IFT80: variants seen among roughly 807,000 people sequenced by gnomAD.
IFT80 encodes intraflagellar transport protein 80 homolog.
IFT80 carries 79 observed loss-of-function variants against 107.9 expected under a neutral mutation model. The observed-to-expected ratio is 0.73, with a 90% CI of 0.61 to 0.88. IFT80 has a LOEUF of 0.88. Ranked by LOEUF, IFT80 falls within the 40% of genes least tolerant of loss-of-function variation. The pLI, the probability that IFT80 is intolerant of heterozygous loss-of-function variation, is 0.00. For synonymous variants in IFT80, 299 were observed against 300.9 expected (o/e 0.99, Z 0.07); for missense variants, 797 against 914.2 (o/e 0.87, Z 1.65).
intron 8 of IFT80, among the ~76,000 whole-genome samples, chr3:160,349,475 C>T (rs372083021): frequency 2.0e-5 from 3 of 151,654 alleles, no homozygotes; most frequent in South Asian, 4.2e-4. Context: ...AGGAACACTG[C>T]ACCTCAACTA....
At chr3:160,387,800 G>A (rs975346069) in intron 1 of IFT80, among the ~76,000 whole-genome samples, 1 of 152,162 alleles carries the variant, frequency 6.6e-6, no homozygotes, top group South Asian at 2.1e-4. Flanking sequence ...TCAAAGCCAT[G>A]GAATAAGATG....
intron 8 of IFT80, among the ~76,000 whole-genome samples, chr3:160,354,019 T>C (rs1195741134): frequency 6.6e-6 from 1 of 152,188 alleles, no homozygotes; most frequent in Non-Finnish European, 1.5e-5. Flanking sequence ...TTGTTGAGTA[T>C]CTACTGTGTT....
At chr3:160,392,894 AC>A (rs113134209) in intron 1 of IFT80, among the ~76,000 whole-genome samples, 1 of 152,052 alleles carries the variant, frequency 6.6e-6, no homozygotes, top group Non-Finnish European at 1.5e-5. Context: ...ACATAGTGAG[AC>A]CCCCTTCTTT....
intron 8 of IFT80, among the ~76,000 whole-genome samples, chr3:160,348,914 CTAGGAA>C (rs1426710708): frequency 6.6e-6 from 1 of 151,926 alleles, no homozygotes; most frequent in African/African-American, 2.4e-5. Flanking sequence ...TTGCCAGGGA[CTAGGAA>C]TAGAGTAGGG....
At chr3:160,355,618 C>T (rs1400404774) in intron 8 of IFT80, among the ~76,000 whole-genome samples, 1 of 150,974 alleles carries the variant, frequency 6.6e-6, no homozygotes, top group Admixed American at 6.6e-5. Context: ...AATATGCAAT[C>T]GAGATTTCGT....
intron 8 of IFT80, among the ~76,000 whole-genome samples, chr3:160,340,700 A>T (rs1027054324): frequency 6.6e-6 from 1 of 152,142 alleles, no homozygotes; most frequent in Admixed American, 6.5e-5. Flanking sequence ...ACTAACCCCC[A>T]GCTAGGAAAA....
chr3:160,260,683 T>C (rs1712754974), intron 19 of IFT80, among the ~76,000 whole-genome samples: 1 of 152,208 alleles, frequency 6.6e-6, no homozygotes, highest in African/African-American at 2.4e-5. Flanking sequence ...TAGATAAGAA[T>C]GTTCTCTGAT....
intron 8 of IFT80, among the ~76,000 whole-genome samples, chr3:160,337,743 T>A (rs781501408): frequency 9.9e-5 from 15 of 152,212 alleles, no homozygotes; most frequent in Admixed American, 3.3e-4. Context: ...AGTCTGATGA[T>A]GTTCTGATTT....
At chr3:160,317,407 T>A (rs950346175) in intron 9 of IFT80, among the ~76,000 whole-genome samples, 1 of 152,154 alleles carries the variant, frequency 6.6e-6, no homozygotes, top group Admixed American at 6.6e-5. Context: ...GTTCATCTTA[T>A]TTCACATAAA....
intron 8 of IFT80, among the ~76,000 whole-genome samples, chr3:160,340,151 ATATTT>A (rs1232764809): frequency 6.6e-6 from 1 of 152,204 alleles, no homozygotes; most frequent in Admixed American, 6.5e-5. Context: ...TGATACTATT[ATATTT>A]TAAGAAATAA....
At chr3:160,359,677 A>C (rs1721355294) in intron 6 of IFT80, among the ~76,000 whole-genome samples, 2 of 152,184 alleles carry the variant, frequency 1.3e-5, no homozygotes, top group African/African-American at 4.8e-5. Flanking sequence ...AATATTTGCT[A>C]TTCTGCAGCC....
At chr3:160,295,142 A>C (rs1715873311) in intron 12 of IFT80, among the ~76,000 whole-genome samples, 1 of 152,230 alleles carries the variant, frequency 6.6e-6, no homozygotes, top group African/African-American at 2.4e-5. Context: ...TTAATCATCA[A>C]GGAAATGCAA....
At chr3:160,266,070 T>G (rs1713294188) in intron 19 of IFT80, among the ~76,000 whole-genome samples, 1 of 152,108 alleles carries the variant, frequency 6.6e-6, no homozygotes, top group South Asian at 2.1e-4. Flanking sequence ...TTTATGATTT[T>G]TAGTTAACTC....
intron 8 of IFT80, among the ~76,000 whole-genome samples, chr3:160,322,279 T>C (rs983951554): frequency 6.1e-5 from 9 of 146,958 alleles, no homozygotes; most frequent in East Asian, 2.1e-4. Context: ...AGTGAGAACA[T>C]GTGGTGTTTG....
Position 160,336,780 on chromosome 3 carries a change from C to T in IFT80, c.778-16841G>A, listed in dbSNP as rs569570501. On this transcript the variant is annotated intron_variant, in intron 8 of 19. Transcript: ENST00000326448. ...ACAGTCTTATTGTAGATGGTCTGTT[C>T]TATTTGCTCTCTCTCTTTTTCTGGG... 1.2e-4 allele frequency among the ~76,000 whole-genome samples: 18 copies of T among 152,126 alleles called. No individual in the cohort carries two copies. The South Asian group carries it at 3.5e-3, about 30-fold the overall frequency.
intron 1 of IFT80, among the ~76,000 whole-genome samples, chr3:160,395,416 T>C (rs2108426781): frequency 6.6e-6 from 1 of 152,320 alleles, no homozygotes; most frequent in African/African-American, 2.4e-5. Flanking sequence ...TCACCCTGCA[T>C]ATATATAGTC....
chr3:160,314,778 T>G (rs1018530599), intron 9 of IFT80, among the ~76,000 whole-genome samples: 1 of 152,146 alleles, frequency 6.6e-6, no homozygotes, highest in Non-Finnish European at 1.5e-5. Flanking sequence ...CAGAGAGATC[T>G]TCCCAGAAAG....
rs144936371 is a variant in IFT80, at chr3:160,262,822, C to T, written c.2224-4187G>A. Among the ~76,000 whole-genome samples the T allele has an allele frequency of 7.5e-3, 1,137 of 152,214 alleles. 20 individuals carry two copies. The highest frequency in any genetic ancestry group is 0.026 in the African/African-American group (1,089 of 41,518). ...ATTTTGGGGTGTCATATTTTGGTTT[C>T]CTTCAACAACCTCTTAACTGTTAAT... is the stretch of plus-strand genomic sequence containing the variant. On this transcript the variant is annotated intron_variant, in intron 19 of 19. Transcript: ENST00000326448.
chr3:160,369,629 A>T (rs980705967), intron 5 of IFT80, among the ~76,000 whole-genome samples: 2 of 151,954 alleles, frequency 1.3e-5, no homozygotes, highest in African/African-American at 4.8e-5. Context: ...TCAAATTTTT[A>T]AAATATATTT....
Sources: gnomAD v4.1 joint callset for allele counts (sites outside exome capture counted in the v4.1 genomes callset) on GRCh38, gnomAD v4.1.1 for gene constraint, MANE v1.5 for transcripts, NCBI Gene and HGNC (gene_info 2026-07-23, HGNC 2026-07-21) for gene names.